UNK: variants seen among roughly 807,000 people sequenced by gnomAD.
The protein encoded by UNK is RING finger protein unkempt homolog.
UNK carries 32 observed loss-of-function variants against 97.6 expected under a neutral mutation model. That is an observed-to-expected ratio of 0.33 (90% CI 0.25 to 0.44). UNK has a LOEUF of 0.44. Among genes scored for constraint, UNK ranks in the 20% least tolerant of loss-of-function variants. The pLI, the probability that UNK is intolerant of heterozygous loss-of-function variation, is 1.00. For missense variants in UNK, 771 were observed against 1,098.4 expected (o/e 0.70, Z 4.21); for synonymous variants, 441 against 461.2 (o/e 0.96, Z 0.56).
Position 75,818,642 on chromosome 17 carries a change from G to T in UNK, c.1372G>T (p.Asp458Tyr). ...TCTCCTCTTCCCTCTCTCGTTGCAG[G>T]ACATGCTGGGCATCCTCCCCGCAGG... ...QEQPLLQPKQ[D>Y]MLGILPAGSP... is the part of the protein sequence containing the mutation. The change falls in exon 11 of 16, where the codon GAC becomes TAC. Residue 458 changes from aspartate to tyrosine, a missense_variant and splice_region_variant. This residue lies in a region of UNK where 192 missense variants were observed against 202.4 expected (regional missense o/e 0.95). Transcript: ENST00000589666. This position sits in a 1 kb window ranked among gnomAD's most constrained non-coding sequence, Gnocchi z 5.1. The T allele has an allele frequency of 1.3e-6, 2 of 1,591,698 alleles. No individual in the cohort carries two copies. Among genetic ancestry groups the T allele is most frequent in the South Asian group, 1.1e-5 (1 of 88,654 alleles).
At chr17:75,785,054 G>T in intron 1 of UNK, 70 bp downstream of exon 1, 1 of 1,141,256 alleles carries the variant, frequency 8.8e-7, no homozygotes, top group African/African-American at 1.7e-5. Context: ...AGTCACGCGC[G>T]CAGGGAGAGC....
rs2062088834 is a variant in UNK at position 75,823,465 on chromosome 17, C to T, written c.2220C>T (p.Leu740=). 5 of 1,581,306 alleles carry T rather than the reference C, an allele frequency of 3.2e-6. No individual in the cohort carries two copies. The highest frequency in any genetic ancestry group is 3.4e-6 in the Non-Finnish European group (4 of 1,160,498). ...PAFSDLEALS[L]STLYSLQKQL... ...TCTCCGACCTGGAGGCGCTCTCACT[C>T]TCCACCCTCTACTCCCTCCAGAAAC... The change falls in exon 15 of 16, where the codon CTC becomes CTT. Residue 740 remains leucine, a synonymous_variant. Transcript: ENST00000589666.
At position 75,816,385 on chromosome 17, in the gene UNK, G is replaced by A. The variant is rs1271878346; in HGVS notation, c.962-385G>A. On this transcript the variant is annotated intron_variant, in intron 7 of 15. Transcript: ENST00000589666. The surrounding 1 kb of genome is among the most constrained non-coding windows in gnomAD (Gnocchi z 4.0). ...GGTGGTCCCCGGCCATGGGCATTGGGACCGCCTGGCTGAGACGGCATAAGG... is the reference window on the plus strand; with the variant it reads ...GGTGGTCCCCGGCCATGGGCATTGGAACCGCCTGGCTGAGACGGCATAAGG... Among the ~76,000 whole-genome samples the A allele has an allele frequency of 6.6e-6, 1 of 152,202 alleles. No homozygotes were observed. Among genetic ancestry groups the A allele is most frequent in the Non-Finnish European group, 1.5e-5 (1 of 68,038 alleles).
Position 75,817,178 on chromosome 17 carries a change from C to T in UNK, c.1105-148C>T, listed in dbSNP as rs931286575. On this transcript the variant is annotated intron_variant, in intron 8 of 15. Coordinates refer to ENST00000589666, the MANE Select transcript of UNK (RefSeq NM_001080419.3). The surrounding 1 kb of genome is among the most constrained non-coding windows in gnomAD (Gnocchi z 5.8). ...TCACTCCCCTTTCCTTCGTGAGCTT[C>T]GGGCTCCCCGAGTGGTCACTGCTGC... 3.5e-5 allele frequency: 37 copies of T among 1,054,860 alleles called. No homozygotes were observed. The highest frequency in any genetic ancestry group is 9.8e-5 in the African/African-American group (6 of 61,196). The allele number at this position is 1,054,860 out of a possible 1,614,324, so 65.3% of individuals were successfully genotyped here. A position where few individuals can be genotyped will look rare whatever the true frequency, so the allele number is the denominator to read the frequency against.
Position 75,813,069 on chromosome 17 carries a change from C to A in UNK, c.623-9C>A, listed in dbSNP as rs1567804956. 1.3e-6 allele frequency: 2 copies of A among 1,583,540 alleles called. No individual in the cohort carries two copies. The highest frequency in any genetic ancestry group is 1.8e-5 in the Admixed American group (1 of 55,358). On this transcript the variant is annotated splice_polypyrimidine_tract_variant and intron_variant, in intron 4 of 15. Transcript: ENST00000589666. ...TCACCTGACCCCTGCCCTCTGGCCC[C>A]CTGTGCAGAGACTGCTTATGTGCTG...
At chr17:75,813,962 C>A in intron 6 of UNK, 84 bp downstream of exon 6, 2 of 1,206,990 alleles carry the variant, frequency 1.7e-6, no homozygotes, top group Non-Finnish European at 2.3e-6. Context: ...TGGCAGAACC[C>A]ATCCTGATGC....
intron 13 of UNK, among the ~76,000 whole-genome samples, chr17:75,822,141 G>A (rs1469808551): frequency 1.3e-5 from 2 of 152,182 alleles, no homozygotes; most frequent in East Asian, 3.8e-4. Flanking sequence ...CCACTATCGG[G>A]GGCCTGGGAC....
chr17:75,812,935 GAGGGGCCCTACTCACATCTGGC>G (rs2061983496), intron 4 of UNK, 121 bp from the exon 5 acceptor site: 5 of 1,219,880 alleles, frequency 4.1e-6, no homozygotes, highest in Non-Finnish European at 5.5e-6. Context: ...GGCCTGGGAG[GAGGGGCCCTACTCACATCTGGC>G]AGGGGCCTCC....
At chr17:75,823,615 C>T in intron 15 of UNK, 93 bp downstream of exon 15, 2 of 1,429,238 alleles carry the variant, frequency 1.4e-6, no homozygotes, top group Non-Finnish European at 1.8e-6. Context: ...CAGGGATGGC[C>T]ACCCTCCTGA....
intron 1 of UNK, among the ~76,000 whole-genome samples, chr17:75,800,694 G>C (rs576886841): frequency 6.6e-6 from 1 of 151,236 alleles, no homozygotes; most frequent in Non-Finnish European, 1.5e-5. Context: ...CTGAGATCGC[G>C]CCACTGCACT....
chr17:75,785,853 T>G (rs560087276), intron 1 of UNK: 15 of 152,084 alleles, frequency 9.9e-5, no homozygotes, highest in African/African-American at 3.4e-4. Flanking sequence ...TCCCTGATGC[T>G]CTGTGAATGC....
rs747851148 is a variant in UNK, at chr17:75,818,788, C to G, written c.1518C>G (p.Pro506=). 1.2e-6 allele frequency: 2 copies of G among 1,610,456 alleles called. No individual in the cohort carries two copies. The highest frequency in any genetic ancestry group is 1.7e-6 in the Non-Finnish European group (2 of 1,178,062). The change falls in exon 11 of 16, where the codon CCC becomes CCG. Residue 506 remains proline (P), a synonymous_variant. Transcript: ENST00000589666. This position sits in a 1 kb window ranked among gnomAD's most constrained non-coding sequence, Gnocchi z 5.1. ...GMNANALPFY[P]TSDTVESVIE... ...ATGCAAACGCTCTGCCCTTCTACCC[C>G]ACCAGCGACACGGTAGAGTCAGTCA...
At chr17:75,810,071 G>C (rs975043452) in intron 2 of UNK, 102 bp downstream of exon 2, 9 of 1,423,084 alleles carry the variant, frequency 6.3e-6, no homozygotes, top group African/African-American at 1.4e-5. Flanking sequence ...CCAGAGGACT[G>C]GTTGCAGCCC....
chr17:75,796,053 A>G (rs998346709), intron 1 of UNK, among the ~76,000 whole-genome samples: 1 of 152,058 alleles, frequency 6.6e-6, no homozygotes, highest in African/African-American at 2.4e-5. Flanking sequence ...TGCGGTAGGG[A>G]GTTTCATCGC....
At position 75,819,030 on chromosome 17, in the gene UNK, T is replaced by G. The variant is rs1477639059; in HGVS notation, c.1546+214T>G. The G allele has an allele frequency of 2.0e-6, 1 of 507,672 alleles. No homozygotes were observed. Among genetic ancestry groups the G allele is most frequent in the Non-Finnish European group, 3.3e-6 (1 of 300,048 alleles). The allele number at this position is 507,672 out of a possible 1,614,324, so 31.4% of individuals were successfully genotyped here. ...ACCCTTAGAGCTCCTTTGTGCAAAT[T>G]AGAAAGAGGTGCCTTTTCCCCTTGG... On this transcript the variant is annotated intron_variant, in intron 11 of 15. Transcript: ENST00000589666. The surrounding 1 kb of genome is among the most constrained non-coding windows in gnomAD (Gnocchi z 5.4).
chr17:75,815,193 G>A lies in UNK; in HGVS notation c.901G>A (p.Asp301Asn), dbSNP rs773772739. The part of the protein sequence containing the change: ...PEIYKSTKCN[D>N]MQQSGSCPRG... ...GATCTACAAGTCCACCAAGTGCAACGACATGCAGCAGTCGGGCAGCTGTCC... is the reference window on the plus strand; with the variant it reads ...GATCTACAAGTCCACCAAGTGCAACAACATGCAGCAGTCGGGCAGCTGTCC... The change falls in exon 7 of 16, where the codon GAC (aspartate) becomes AAC (asparagine). Residue 301 changes from aspartate (D) to asparagine (N), a missense_variant. Asp to Asn is a conservative substitution (Grantham distance 23, BLOSUM62 1). Coordinates refer to ENST00000589666, the MANE Select transcript of UNK (RefSeq NM_001080419.3). 1 of 1,613,400 alleles carries A rather than the reference G, an allele frequency of 6.2e-7. No homozygotes were observed. The highest frequency in any genetic ancestry group is 8.5e-7 in the Non-Finnish European group (1 of 1,179,722).
At chr17:75,810,795 C>T (rs2061961860) in intron 2 of UNK, among the ~76,000 whole-genome samples, 1 of 151,998 alleles carries the variant, frequency 6.6e-6, no homozygotes, top group Non-Finnish European at 1.5e-5. Context: ...CACCACAATA[C>T]CCAGCTAATT....
Position 75,819,560 on chromosome 17 carries a change from A to G in UNK, c.1547-124A>G. On this transcript the variant is annotated intron_variant, in intron 11 of 15. Coordinates refer to ENST00000589666, the MANE Select transcript of UNK (RefSeq NM_001080419.3). The surrounding 1 kb of genome is among the most constrained non-coding windows in gnomAD (Gnocchi z 5.4). ...TAGGAAGCAGCTGAAGGAAGGGCAC[A>G]GGGGCTTGGGAGAATACGGACCCAG... 1.2e-6 allele frequency: 1 copy of G among 859,286 alleles called. No individual in the cohort carries two copies. The highest frequency in any genetic ancestry group is 1.9e-6 in the Non-Finnish European group (1 of 533,634). 53.2% of individuals were successfully genotyped at this position (859,286 alleles called of 1,614,324 possible).
In UNK at chr17:75,824,546, AC is replaced by A; in HGVS notation, c.*130del. ...TATGTATATGATTATGTATATGTAT[AC>A]ATTTCCGTATGTATGTATATGTATA... On this transcript the variant is annotated 3_prime_UTR_variant, in exon 16 of 16. Transcript: ENST00000589666. This position sits in a 1 kb window ranked among gnomAD's most constrained non-coding sequence, Gnocchi z 4.9. 2.8e-6 allele frequency: 2 copies of A among 722,262 alleles called. No homozygotes were observed. The highest frequency in any genetic ancestry group is 3.6e-6 in the Non-Finnish European group (2 of 557,524). 44.7% of individuals were successfully genotyped at this position (722,262 alleles called of 1,614,324 possible).
Sources: gnomAD v4.1 joint callset for allele counts (sites outside exome capture counted in the v4.1 genomes callset) on GRCh38, gnomAD v4.1.1 for gene constraint, gnomAD v4.1.1 regional missense constraint, Gnocchi (gnomAD v3.1) non-coding constraint, MANE v1.5 for transcripts, NCBI Gene and HGNC (gene_info 2026-07-23, HGNC 2026-07-21) for gene names.